CDYL: variants seen among roughly 807,000 people sequenced by gnomAD.
CDYL encodes the protein chromodomain Y like, also known as chromodomain Y-like protein.
CDYL carries 8 observed loss-of-function variants against 47.3 expected under a neutral mutation model. The observed-to-expected ratio is 0.17, with a 90% confidence interval of 0.10 to 0.31. The LOEUF (loss-of-function observed/expected upper bound fraction) is 0.31. Among genes scored for constraint, CDYL ranks in the 10% least tolerant of loss-of-function variants. The pLI, the probability that CDYL is intolerant of heterozygous loss-of-function variation, is 1.00. For missense variants in CDYL, 471 were observed against 701.4 expected, an observed-to-expected ratio of 0.67 and a Z score of 3.71; for synonymous variants, 266 against 265.0, an observed-to-expected ratio of 1.00 and a Z score of -0.04.
chr6:4,916,879 C>T (rs778730680), intron 2 of CDYL, among the ~76,000 whole-genome samples: 3 of 152,236 alleles, frequency 2.0e-5, no homozygotes, highest in Non-Finnish European at 4.4e-5. Context: ...GCCACGTGCA[C>T]GGCCCACTGC....
chr6:4,732,505 A>G (rs1757622087), intron 2 of CDYL, among the ~76,000 whole-genome samples: 1 of 151,890 alleles, frequency 6.6e-6, no homozygotes, highest in Admixed American at 6.6e-5. Context: ...ACATTAAAAA[A>G]TAAAAAATTC....
At chr6:4,722,317 G>T (rs1757386018) in intron 2 of CDYL, among the ~76,000 whole-genome samples, 1 of 152,156 alleles carries the variant, frequency 6.6e-6, no homozygotes, top group Admixed American at 6.5e-5. Context: ...TAAGCACTTT[G>T]GGAGGCCAAG....
At chr6:4,791,882 A>G (rs1395831187) in intron 1 of CDYL, among the ~76,000 whole-genome samples, 6 of 135,972 alleles carry the variant, frequency 4.4e-5, no homozygotes, top group African/African-American at 1.6e-4. Flanking sequence ...GGAATTGTAG[A>G]ATTTTTTTTT....
chr6:4,715,116 A>G (rs982927632), intron 1 of CDYL, among the ~76,000 whole-genome samples: 6 of 152,192 alleles, frequency 3.9e-5, no homozygotes, highest in African/African-American at 1.4e-4. Context: ...CTGAAAATGC[A>G]TCGTGCTTTC....
At position 4,898,684 on chromosome 6, in the gene CDYL, G is replaced by A. The variant is rs371031889; in HGVS notation, c.691+6305G>A. ...TGAGCATAGTGGTCCGCAAACCTGCGTGTGCTTAAGGATTCTAGTGCAGAG... is the reference window on the plus strand; with the variant it reads ...TGAGCATAGTGGTCCGCAAACCTGCATGTGCTTAAGGATTCTAGTGCAGAG... On this transcript the variant is annotated intron_variant, in intron 2 of 6. Coordinates refer to ENST00000397588, the MANE Select transcript of CDYL (RefSeq NM_004824.4). Among the ~76,000 whole-genome samples the A allele has an allele frequency of 7.9e-5, 12 of 152,136 alleles. No homozygotes were observed. The East Asian group carries it at 1.3e-3, about 17-fold the overall frequency.
intron 1 of CDYL, among the ~76,000 whole-genome samples, chr6:4,820,800 G>A (rs144124786): frequency 1.3e-5 from 2 of 152,288 alleles, no homozygotes; most frequent in Non-Finnish European, 2.9e-5. Flanking sequence ...CCTGCAAAAC[G>A]CCTGTGAAAA....
At chr6:4,753,029 C>T (rs1404752641) in intron 3 of CDYL, among the ~76,000 whole-genome samples, 1 of 151,950 alleles carries the variant, frequency 6.6e-6, no homozygotes, top group Non-Finnish European at 1.5e-5. Flanking sequence ...GCAATCCTCC[C>T]ACCTTAGCCT....
chr6:4,710,395 A>AGGAAGGAAGGAAGGAAGGAAGGAAGGAG (rs1757130295), intron 1 of CDYL, among the ~76,000 whole-genome samples: 1 of 148,132 alleles, frequency 6.8e-6, no homozygotes, highest in Admixed American at 6.7e-5. Context: ...GAAGGAAGGA[A>AGGAAGGAAGGAAGGAAGGAAGGAAGGAG]GGAAGGAAAC....
intron 1 of CDYL, among the ~76,000 whole-genome samples, chr6:4,836,945 G>A (rs1266094176): frequency 1.3e-5 from 2 of 152,178 alleles, no homozygotes; most frequent in African/African-American, 4.8e-5. Flanking sequence ...GGGTGTGGGT[G>A]CAGGTATGTG....
chr6:4,941,750 G>T (rs1332308266), intron 4 of CDYL, among the ~76,000 whole-genome samples: 1 of 152,126 alleles, frequency 6.6e-6, no homozygotes, highest in African/African-American at 2.4e-5. Flanking sequence ...CTGTTTTTCT[G>T]TAGAATTACC....
chr6:4,856,044 G>T (rs2127466032), intron 1 of CDYL, among the ~76,000 whole-genome samples: 1 of 152,322 alleles, frequency 6.6e-6, no homozygotes, highest in East Asian at 1.9e-4. Flanking sequence ...TTATGATCTG[G>T]CCCACATTCA....
intron 1 of CDYL, among the ~76,000 whole-genome samples, chr6:4,782,495 G>A (rs890593319): frequency 1.3e-5 from 2 of 152,056 alleles, no homozygotes; most frequent in African/African-American, 4.8e-5. Flanking sequence ...TTCAACTCTA[G>A]AATGGAGAAT....
intron 1 of CDYL, among the ~76,000 whole-genome samples, chr6:4,887,982 A>T (rs1219303124): frequency 1.3e-5 from 2 of 149,308 alleles, no homozygotes; most frequent in African/African-American, 5.0e-5. Flanking sequence ...TATTCTATTG[A>T]TGTGGCATAT....
At chr6:4,820,001 G>T (rs1353931489) in intron 1 of CDYL, among the ~76,000 whole-genome samples, 1 of 152,166 alleles carries the variant, frequency 6.6e-6, no homozygotes, top group Non-Finnish European at 1.5e-5. Context: ...GTTAAGGGAG[G>T]CTGAGTAGCC....
chr6:4,851,066 C>G (rs374349799), intron 1 of CDYL, among the ~76,000 whole-genome samples: 4 of 152,152 alleles, frequency 2.6e-5, no homozygotes, highest in Non-Finnish European at 5.9e-5. Flanking sequence ...AAGATTTGGG[C>G]GCTCACTTGG....
At chr6:4,842,510 A>T (rs1425073772) in intron 1 of CDYL, among the ~76,000 whole-genome samples, 3 of 152,016 alleles carry the variant, frequency 2.0e-5, no homozygotes, top group Non-Finnish European at 4.4e-5. Flanking sequence ...TCCTTTTATC[A>T]TTATATAATG....
intron 3 of CDYL, among the ~76,000 whole-genome samples, chr6:4,761,418 G>A (rs533080505): frequency 2.6e-5 from 4 of 152,018 alleles, no homozygotes; most frequent in South Asian, 2.1e-4. Context: ...ATCTCGGCTC[G>A]CTGCAAACTC....
chr6:4,793,321 G>C (rs375618300), intron 1 of CDYL, among the ~76,000 whole-genome samples: 12 of 152,172 alleles, frequency 7.9e-5, no homozygotes, highest in East Asian at 7.7e-4. Context: ...GGTGGCAACA[G>C]TCTAGTGAGA....
At chr6:4,921,379 G>A (rs777025083) in intron 2 of CDYL, among the ~76,000 whole-genome samples, 25 of 152,222 alleles carry the variant, frequency 1.6e-4, no homozygotes, top group Non-Finnish European at 3.5e-4. Flanking sequence ...GTAGGTTGAT[G>A]CCAGAAGTAA....
Sources: gnomAD v4.1 joint callset for allele counts (sites outside exome capture counted in the v4.1 genomes callset) on GRCh38, gnomAD v4.1.1 for gene constraint, MANE v1.5 for transcripts, NCBI Gene and HGNC (gene_info 2026-07-23, HGNC 2026-07-21) for gene names.